The following KCNT2 variants were observed in gnomAD, a reference collection of about 807,000 sequenced individuals.
KCNT2 encodes potassium channel subfamily T member 2.
Under a neutral mutation model 153.8 loss-of-function variants are expected in KCNT2, and 67 were observed. That is an observed-to-expected ratio of 0.44 (90% CI 0.36 to 0.53). The LOEUF (loss-of-function observed/expected upper bound fraction) is 0.53. KCNT2 is among the 20% of genes least tolerant of loss of function. The probability of loss-of-function intolerance (pLI) is 0.00; values close to 1 mark genes in which losing one functional copy is unlikely to be tolerated. For missense variants in KCNT2, 975 were observed against 1,354.8 expected, an observed-to-expected ratio of 0.72 and a Z score of 4.40; for synonymous variants, 500 against 458.8, an observed-to-expected ratio of 1.09 and a Z score of -1.15.
intron 1 of KCNT2, among the ~76,000 whole-genome samples, chr1:196,539,605 A>G (rs1216239547): frequency 6.6e-6 from 1 of 152,136 alleles, no homozygotes; most frequent in Non-Finnish European, 1.5e-5. Flanking sequence ...CAATTAAACT[A>G]CTAGTCTAAA....
chr1:196,364,445 A>G lies in KCNT2; in HGVS notation c.1403+8695T>C, dbSNP rs775653110. Reference sequence around the variant, plus strand: ...ATATGAAATTACAGAATCACTTTTTATACAGCATACACACAAATTAATTAC... The same window carrying G: ...ATATGAAATTACAGAATCACTTTTTGTACAGCATACACACAAATTAATTAC... On this transcript the variant is annotated intron_variant, in intron 14 of 27. Transcript: ENST00000294725. Among the ~76,000 whole-genome samples, 7 of 152,158 alleles carry G rather than the reference A, an allele frequency of 4.6e-5. No homozygotes were observed. The South Asian group carries it at 6.2e-4, about 13-fold the overall frequency.
At chr1:196,309,659 G>T (rs1169458760) in intron 21 of KCNT2, among the ~76,000 whole-genome samples, 2 of 151,752 alleles carry the variant, frequency 1.3e-5, no homozygotes, top group African/African-American at 2.4e-5. Context: ...TATATCCATA[G>T]ACTATTACTT....
chr1:196,378,952 C>T (rs1233344145), intron 13 of KCNT2, among the ~76,000 whole-genome samples: 1 of 150,320 alleles, frequency 6.7e-6, no homozygotes, highest in East Asian at 2.0e-4. Flanking sequence ...CTCTTATTCC[C>T]CCCACCCCAC....
At chr1:196,308,406 T>C (rs1661843163) in intron 21 of KCNT2, among the ~76,000 whole-genome samples, 2 of 152,014 alleles carry the variant, frequency 1.3e-5, no homozygotes, top group African/African-American at 2.4e-5. Flanking sequence ...AGATAAGCCC[T>C]CTAGGACAAG....
At chr1:196,240,815 G>T (rs61820876) in intron 26 of KCNT2, among the ~76,000 whole-genome samples, 36,541 of 151,956 alleles carry the variant, frequency 0.24, 5,566 homozygotes, top group East Asian at 0.59. Context: ...TGTAAGGATC[G>T]AGGGGAAGGC....
intron 1 of KCNT2, among the ~76,000 whole-genome samples, chr1:196,566,277 G>A (rs1229539096): frequency 1.3e-5 from 2 of 151,876 alleles, no homozygotes; most frequent in Non-Finnish European, 2.9e-5. Context: ...AAGTAACAAA[G>A]CAGCAAAGGG....
At chr1:196,468,950 G>A in intron 6 of KCNT2, 44 bp downstream of exon 6, 3 of 1,128,002 alleles carry the variant, frequency 2.7e-6, no homozygotes, top group Non-Finnish European at 4.0e-6. Flanking sequence ...TTTTACTTAA[G>A]TCTAATTACA....
chr1:196,587,345 C>T (rs972698497), intron 1 of KCNT2, among the ~76,000 whole-genome samples: 2 of 151,910 alleles, frequency 1.3e-5, no homozygotes, highest in African/African-American at 2.4e-5. Flanking sequence ...TACATAATTG[C>T]CCAAGACCAT....
intron 12 of KCNT2, among the ~76,000 whole-genome samples, chr1:196,401,969 T>C (rs1467447171): frequency 1.3e-5 from 2 of 151,386 alleles, no homozygotes. Context: ...CCAAGGACTC[T>C]CATCAAAAAT....
At chr1:196,238,033 A>G (rs891993967) in intron 26 of KCNT2, among the ~76,000 whole-genome samples, 1 of 151,924 alleles carries the variant, frequency 6.6e-6, no homozygotes, top group African/African-American at 2.4e-5. Context: ...AATAATCTAA[A>G]AAGTAAGAGG....
intron 22 of KCNT2, among the ~76,000 whole-genome samples, chr1:196,292,314 T>C (rs975264086): frequency 1.3e-5 from 2 of 152,164 alleles, no homozygotes; most frequent in Admixed American, 1.3e-4. Flanking sequence ...ATAGAAGAAA[T>C]GTACCTCAAC....
chr1:196,568,275 C>T (rs1209596300), intron 1 of KCNT2, among the ~76,000 whole-genome samples: 1 of 152,060 alleles, frequency 6.6e-6, no homozygotes, highest in East Asian at 1.9e-4. Context: ...GTGCAGTTCA[C>T]ATAGGGTTCG....
chr1:196,466,894 G>A (rs1408347219), intron 7 of KCNT2, among the ~76,000 whole-genome samples: 2 of 151,956 alleles, frequency 1.3e-5, no homozygotes. Flanking sequence ...ATGCCACCAA[G>A]CAGGGTCAGC....
intron 1 of KCNT2, among the ~76,000 whole-genome samples, chr1:196,570,945 C>T (rs1660708822): frequency 6.6e-6 from 1 of 152,076 alleles, no homozygotes; most frequent in South Asian, 2.1e-4. Context: ...AAGTAAGTTA[C>T]ATGAACAGAC....
chr1:196,475,196 A>G (rs1227898884), intron 5 of KCNT2, among the ~76,000 whole-genome samples: 1 of 152,254 alleles, frequency 6.6e-6, no homozygotes, highest in African/African-American at 2.4e-5. Flanking sequence ...AAAGTTATAT[A>G]TGGATTTGCT....
At chr1:196,335,647 A>G (rs1271058347) in intron 16 of KCNT2, among the ~76,000 whole-genome samples, 1 of 152,196 alleles carries the variant, frequency 6.6e-6, no homozygotes, top group Middle Eastern at 3.2e-3. Flanking sequence ...TGGCCTTCCA[A>G]GCTTCTTCCT....
At chr1:196,319,681 C>T (rs1663091984) in intron 19 of KCNT2, 126 bp from the exon 20 acceptor site, 2 of 495,830 alleles carry the variant, frequency 4.0e-6, no homozygotes, top group Non-Finnish European at 7.3e-6. Context: ...AATTAATTTT[C>T]AGTGCTTTTT....
In KCNT2 at chr1:196,284,248, AATAT is replaced by A. The variant is rs1553271463; in HGVS notation, c.2697+1405_2697+1408del. ...TCTGTCTTAAAAAAAAAAAAAAAAA[AATAT>A]ATATATATATATATATATATATATA... On this transcript the variant is annotated intron_variant, in intron 23 of 27. Coordinates refer to ENST00000294725, the MANE Select transcript of KCNT2 (RefSeq NM_198503.5). 2.6e-3 allele frequency among the ~76,000 whole-genome samples: 26 copies of A among 10,044 alleles called. 2 individuals are homozygous for A. Among genetic ancestry groups the A allele is most frequent in the East Asian group, 9.1e-3 (1 of 110 alleles). The allele number at this position is 10,044 out of a possible 152,430, so 6.6% of individuals were successfully genotyped here.
chr1:196,488,966 A>G (rs922868836), intron 3 of KCNT2, among the ~76,000 whole-genome samples: 4 of 152,034 alleles, frequency 2.6e-5, no homozygotes, highest in Non-Finnish European at 5.9e-5. Flanking sequence ...ACTGGGCTAC[A>G]AGGCACAATA....
Sources: gnomAD v4.1 joint callset for allele counts (sites outside exome capture counted in the v4.1 genomes callset) on GRCh38, gnomAD v4.1.1 for gene constraint, MANE v1.5 for transcripts, NCBI Gene and HGNC (gene_info 2026-07-23, HGNC 2026-07-21) for gene names.